Variants in PCDHA1 observed in about 807,000 individuals in gnomAD.
The protein encoded by PCDHA1 is protocadherin alpha 1.
PCDHA1 carries 42 observed loss-of-function variants against 61.3 expected under a neutral mutation model. The ratio of observed to expected loss-of-function variants is 0.69; its 90% confidence interval spans 0.54 to 0.89. PCDHA1 has a LOEUF of 0.89. PCDHA1 is among the 40% of genes least tolerant of loss of function. The probability of loss-of-function intolerance (pLI) is 0.00; values close to 1 mark genes in which losing one functional copy is unlikely to be tolerated. For synonymous variants in PCDHA1, 610 were observed against 553.8 expected (o/e 1.10, Z -1.43); for missense variants, 1,256 against 1,235.3 (o/e 1.02, Z -0.25).
chr5:140,795,301 C>G, intron 1 of PCDHA1: 2 of 1,614,192 alleles, frequency 1.2e-6, no homozygotes, highest in South Asian at 1.1e-5. Flanking sequence ...CGTGGACAGG[C>G]CGCTGCAGGT....
At chr5:140,856,151 T>C (rs2043811735) in intron 1 of PCDHA1, 2 of 1,598,312 alleles carry the variant, frequency 1.3e-6, no homozygotes, top group Middle Eastern at 1.7e-4. Context: ...CTACTCAGTC[T>C]ACGAGGAGGC....
At chr5:140,808,954 C>G (rs1554124911) in intron 1 of PCDHA1, 9 of 1,613,580 alleles carry the variant, frequency 5.6e-6, no homozygotes, top group African/African-American at 1.3e-5. Flanking sequence ...GTGTGGGCCA[C>G]GTGGTGGCAA....
chr5:140,852,813 C>T, intron 1 of PCDHA1: 1 of 972,188 alleles, frequency 1.0e-6, no homozygotes, highest in Non-Finnish European at 1.2e-6. Context: ...TGTCTCCCGC[C>T]CTAAGTCCTC....
intron 3 of PCDHA1, among the ~76,000 whole-genome samples, chr5:141,007,395 CA>C (rs35800918): frequency 0.59 from 55,851 of 95,076 alleles, 14,598 homozygotes; most frequent in African/African-American, 0.74. Context: ...TACTAAAATA[CA>C]AAAAAAAAAA....
At chr5:140,876,098 A>G in intron 1 of PCDHA1, 2 of 1,613,962 alleles carry the variant, frequency 1.2e-6, no homozygotes, top group Non-Finnish European at 1.7e-6. Flanking sequence ...CCAAAACTCA[A>G]TTTATTGCTG....
At chr5:140,816,237 T>A (rs1181051866) in intron 1 of PCDHA1, 1 of 152,238 alleles carries the variant, frequency 6.6e-6, no homozygotes. Flanking sequence ...TAATTTCAAA[T>A]GATGTGTCCT....
chr5:140,879,337 G>A (rs251379), intron 1 of PCDHA1, among the ~76,000 whole-genome samples: 101,683 of 152,024 alleles, frequency 0.67, 34,216 homozygotes, highest in Middle Eastern at 0.71. Flanking sequence ...AGTTTGTTCA[G>A]CTGAGAAGAT....
intron 1 of PCDHA1, chr5:140,869,449 G>C (rs1562628506): frequency 9.3e-6 from 15 of 1,614,196 alleles, no homozygotes; most frequent in Non-Finnish European, 1.3e-5. Context: ...GCCGCTGCAG[G>C]TTTTCCATGT....
intron 1 of PCDHA1, chr5:140,969,185 A>G (rs782632936): frequency 1.9e-6 from 3 of 1,613,974 alleles, no homozygotes; most frequent in South Asian, 1.1e-5. Context: ...TGACACTTTC[A>G]TGTTTTACAA....
At chr5:140,927,072 C>A in intron 1 of PCDHA1, 2 of 1,610,790 alleles carry the variant, frequency 1.2e-6, no homozygotes, top group Non-Finnish European at 1.7e-6. Flanking sequence ...TCCTTTCCAG[C>A]CACCGCGAGC....
intron 1 of PCDHA1, chr5:140,855,964 T>A: frequency 7.1e-7 from 1 of 1,408,442 alleles, no homozygotes; most frequent in Non-Finnish European, 9.6e-7. Context: ...AAAAAATAGA[T>A]ATAAGAAATA....
intron 1 of PCDHA1, among the ~76,000 whole-genome samples, chr5:140,806,428 A>T (rs1040644619): frequency 1.3e-5 from 2 of 152,234 alleles, no homozygotes. Context: ...ATTATTTGGA[A>T]TGCTTTTCCA....
At chr5:140,824,207 A>G in intron 1 of PCDHA1, 5 of 1,587,454 alleles carry the variant, frequency 3.1e-6, no homozygotes, top group Non-Finnish European at 4.3e-6. Context: ...CTTTTTTTGT[A>G]TTTAAAAATT....
intron 1 of PCDHA1, chr5:140,860,693 G>C (rs2046523245): frequency 6.6e-6 from 1 of 152,204 alleles, no homozygotes; most frequent in Non-Finnish European, 1.5e-5. Context: ...TTGAGCGACA[G>C]GATATTGTTG....
chr5:140,929,078 G>A lies in PCDHA1; in HGVS notation c.2395-49871G>A, dbSNP rs144524128. On this transcript the variant is annotated intron_variant, in intron 1 of 3. Coordinates refer to ENST00000504120, the MANE Select transcript of PCDHA1 (RefSeq NM_018900.4). ...TCTACAGAGGATCTGAGGTATGGAA[G>A]TAAGATGGTTTCAAATCCTTGCATG... 20 of 1,614,208 alleles carry A rather than the reference G, an allele frequency of 1.2e-5. No individual in the cohort carries two copies. The African/African-American group carries it at 2.3e-4, about 18-fold the overall frequency.
chr5:140,834,771 C>G (rs2150226115), intron 1 of PCDHA1: 1 of 1,613,992 alleles, frequency 6.2e-7, no homozygotes, highest in East Asian at 2.2e-5. Context: ...TAACGACAAC[C>G]CTCCGGTGTT....
chr5:140,928,731 C>T, intron 1 of PCDHA1: 2 of 1,614,164 alleles, frequency 1.2e-6, no homozygotes, highest in Non-Finnish European at 1.7e-6. Context: ...GAATTTCAGC[C>T]AATATAGGTG....
rs782316579 is a variant in PCDHA1, at chr5:140,796,592, C to G, written c.2394+7908C>G. 5 of 1,613,432 alleles carry G rather than the reference C, an allele frequency of 3.1e-6. No homozygotes were observed. In the East Asian group the frequency reaches 8.9e-5, roughly 29 times the overall value. On this transcript the variant is annotated intron_variant, in intron 1 of 3. Transcript: ENST00000504120. ...GTGAGCGCGCGGGATGCGGGCGTGC[C>G]GCCTCTGGGCAGCAACGTGACGCTG...
At position 140,797,522 on chromosome 5, in the gene PCDHA1, A is replaced by G. The variant is rs73791787; in HGVS notation, c.2394+8838A>G. On this transcript the variant is annotated intron_variant, in intron 1 of 3. Transcript: ENST00000504120. ...ATTTATTGCATTTACTGAACAATTT[A>G]TTTAAACAATCTACATAACTGTTTT... 1,379 of 814,858 alleles carry G rather than the reference A, an allele frequency of 1.7e-3. 9 individuals carry two copies. In the African/African-American group the frequency reaches 0.022, roughly 13 times the overall value. 50.5% of individuals were successfully genotyped at this position (814,858 alleles called of 1,614,324 possible). A position where few individuals can be genotyped will look rare whatever the true frequency, so the allele number is the denominator to read the frequency against.
Sources: allele counts gnomAD v4.1 joint callset (sites outside exome capture counted in the v4.1 genomes callset), GRCh38; gene constraint gnomAD v4.1.1; transcripts MANE v1.5; gene names NCBI Gene and HGNC (gene_info 2026-07-23, HGNC 2026-07-21).